The following OSMR variants were observed in gnomAD, a reference collection of about 807,000 sequenced individuals.
OSMR encodes oncostatin-M-specific receptor subunit beta.
OSMR carries 81 observed loss-of-function variants against 99.9 expected under a neutral mutation model. That is an observed-to-expected ratio of 0.81 (90% CI 0.68 to 0.97). The LOEUF (loss-of-function observed/expected upper bound fraction) is 0.97, where lower values mean the gene tolerates loss of function less well. Among genes scored for constraint, OSMR ranks in the 50% least tolerant of loss-of-function variants. The pLI is 0.00. For missense variants in OSMR, 1,099 were observed against 1,153.4 expected (o/e 0.95, Z 0.68); for synonymous variants, 406 against 410.4 (o/e 0.99, Z 0.13).
At chr5:38,858,966 TGTTGA>T (rs1454233100) in intron 1 of OSMR, among the ~76,000 whole-genome samples, 1 of 152,156 alleles carries the variant, frequency 6.6e-6, no homozygotes, top group African/African-American at 2.4e-5. Flanking sequence ...TTGTTGTTAT[TGTTGA>T]GTTGAGTTCC....
Position 38,917,619 on chromosome 5 carries a change from G to T in OSMR, c.1359G>T (p.Trp453Cys). 6.2e-7 allele frequency: 1 copy of T among 1,610,700 alleles called. No individual in the cohort carries two copies. Among genetic ancestry groups the T allele is most frequent in the Non-Finnish European group, 8.5e-7 (1 of 1,177,026 alleles). The change falls in exon 10 of 18, where the codon TGG becomes TGT. Residue 453 changes from tryptophan (W) to cysteine (C), a missense_variant. Physicochemically the swap from Trp to Cys is radical, Grantham distance 215. Transcript: ENST00000274276. ...EPGNHTVTLF[W>C]KPLSKLHANG... ...GAAATCATACTGTGACCTTATTCTG[G>T]AAGGTAAGATGTGCAGATTCCAAAA... is the stretch of plus-strand genomic sequence containing the variant.
At chr5:38,889,482 T>C (rs1254293468) in intron 7 of OSMR, among the ~76,000 whole-genome samples, 1 of 152,184 alleles carries the variant, frequency 6.6e-6, no homozygotes, top group African/African-American at 2.4e-5. Context: ...TTGAATTTAT[T>C]TTTTGTTTTA....
At chr5:38,890,641 A>G (rs374409092) in intron 7 of OSMR, among the ~76,000 whole-genome samples, 2 of 151,058 alleles carry the variant, frequency 1.3e-5, no homozygotes, top group South Asian at 2.1e-4. Context: ...GAAATGCCTT[A>G]AGAAAAACTT....
At chr5:38,931,489 C>T (rs1338547127) in intron 15 of OSMR, among the ~76,000 whole-genome samples, 1 of 152,202 alleles carries the variant, frequency 6.6e-6, no homozygotes, top group South Asian at 2.1e-4. Flanking sequence ...AAAGCACTTA[C>T]GTTACAATTA....
intron 1 of OSMR, among the ~76,000 whole-genome samples, chr5:38,862,185 GGGGCGGCCGGGCAGAGGCGCCC>G (rs1741450415): frequency 7.8e-6 from 1 of 128,366 alleles, no homozygotes; most frequent in African/African-American, 3.0e-5. Flanking sequence ...CTTCCCAGTA[GGGGCGGCCGGGCAGAGGCGCCC>G]CTCACCTCCC....
At position 38,925,316 on chromosome 5, in the gene OSMR, T is replaced by C. The variant is rs761070197; in HGVS notation, c.2157T>C (p.Ser719=). The change falls in exon 15 of 18, where the codon AGT becomes AGC. Residue 719 remains serine (S), a synonymous_variant. Coordinates refer to ENST00000274276, the MANE Select transcript of OSMR (RefSeq NM_003999.3). ...FYEFFITPFT[S]AGEGPSATFT... ...AGTTTTTCATCACTCCATTCACTAG[T>C]GCTGGTGAAGGCCCCAGTGCTACGT... 1.2e-6 allele frequency: 2 copies of C among 1,614,076 alleles called. No individual in the cohort carries two copies. Among genetic ancestry groups the C allele is most frequent in the South Asian group, 2.2e-5 (2 of 91,082 alleles).
Position 38,856,428 on chromosome 5 carries a change from G to T in OSMR, c.-14+10041G>T, listed in dbSNP as rs145720391. 4.2e-3 allele frequency among the ~76,000 whole-genome samples: 643 copies of T among 152,290 alleles called. 2 individuals are homozygous for T. Among genetic ancestry groups the T allele is most frequent in the Non-Finnish European group, 6.7e-3 (457 of 68,026 alleles). On this transcript the variant is annotated intron_variant, in intron 1 of 17. Transcript: ENST00000274276. ...GGTGGCCTGGGGCCTGAAACACAGG[G>T]GGTGGCCTTGTCCAGTCCCACTGCT...
chr5:38,931,899 T>C lies in OSMR; in HGVS notation c.2229T>C (p.His743=). The C allele has an allele frequency of 6.2e-7, 1 of 1,613,590 alleles. No homozygotes were observed. Among genetic ancestry groups the C allele is most frequent in the Non-Finnish European group, 8.5e-7 (1 of 1,179,532 alleles). The change falls in exon 16 of 18, where the codon CAT becomes CAC. Residue 743 remains histidine (H), a synonymous_variant. Transcript: ENST00000274276. Reference sequence around the variant, plus strand: ...CTCGTTCAGCCTCGATGCTGATTCATATCCTACTGCCCATGGTTTTCTGCG... The same window carrying C: ...CTCGTTCAGCCTCGATGCTGATTCACATCCTACTGCCCATGGTTTTCTGCG... The part of the protein sequence containing the change: ...TPDEHSSMLI[H]ILLPMVFCVL...
chr5:38,888,629 T>G (rs35461099), intron 7 of OSMR, among the ~76,000 whole-genome samples: 25,631 of 152,248 alleles, frequency 0.17, 2,746 homozygotes, highest in Admixed American at 0.24. Flanking sequence ...CATTTTGAAA[T>G]TTTTAAATTT....
At chr5:38,867,177 T>G (rs1019983518) in intron 1 of OSMR, among the ~76,000 whole-genome samples, 1 of 152,186 alleles carries the variant, frequency 6.6e-6, no homozygotes, top group African/African-American at 2.4e-5. Flanking sequence ...ATGACTTGTT[T>G]GCCAAAAATA....
At chr5:38,910,196 C>G (rs1211338959) in intron 9 of OSMR, among the ~76,000 whole-genome samples, 2 of 152,164 alleles carry the variant, frequency 1.3e-5, no homozygotes, top group African/African-American at 2.4e-5. Context: ...TATATATGCA[C>G]CTAACACAAG....
At chr5:38,893,805 C>G (rs547593015) in intron 7 of OSMR, among the ~76,000 whole-genome samples, 2 of 152,182 alleles carry the variant, frequency 1.3e-5, no homozygotes, top group East Asian at 3.9e-4. Flanking sequence ...GGTAGACACC[C>G]AGATACAAGA....
chr5:38,942,948 G>A, intron 1 of OSMR: 1 of 1,604,926 alleles, frequency 6.2e-7, no homozygotes, highest in Non-Finnish European at 8.5e-7. Flanking sequence ...GTCATCAAAT[G>A]TTTGAGGATA....
intron 1 of OSMR, among the ~76,000 whole-genome samples, chr5:38,859,445 T>A (rs187128599): frequency 8.5e-5 from 13 of 152,298 alleles, no homozygotes; most frequent in Admixed American, 3.9e-4. Context: ...TCTAATCTCA[T>A]AAATTGGTGT....
At chr5:38,881,867 C>A in intron 4 of OSMR, 103 bp downstream of exon 4, 1 of 1,014,568 alleles carries the variant, frequency 9.9e-7, no homozygotes, top group Non-Finnish European at 1.5e-6. Flanking sequence ...CCTGGGTAGA[C>A]ACTGACATTA....
Position 38,898,950 on chromosome 5 carries a change from C to CTTTTTTTTTTTTTTTTTTTTTTTTTT in OSMR, c.992-4908_992-4907insTTTTTTTTTTTTTTTTTTTTTTTTTT, listed in dbSNP as rs58159819. 1.3e-4 allele frequency among the ~76,000 whole-genome samples: 10 copies of CTTTTTTTTTTTTTTTTTTTTTTTTTT among 78,288 alleles called. 1 individual carries two copies. Among genetic ancestry groups the CTTTTTTTTTTTTTTTTTTTTTTTTTT allele is most frequent in the East Asian group, 6.7e-4 (2 of 2,972 alleles). The allele number at this position is 78,288 out of a possible 152,430, so 51.4% of individuals were successfully genotyped here. A position where few individuals can be genotyped will look rare whatever the true frequency, so the allele number is the denominator to read the frequency against. On this transcript the variant is annotated intron_variant, in intron 7 of 17. Transcript: ENST00000274276. ...TTTGTTGTTTCTATTTACATAATAT[C>CTTTTTTTTTTTTTTTTTTTTTTTTTT]TTTTTTTTTTTTTTTTTTTTTTTTG... is the stretch of plus-strand genomic sequence containing the variant.
chr5:38,919,291 G>A (rs747173863), intron 11 of OSMR: 1 of 1,492,914 alleles, frequency 6.7e-7, no homozygotes, highest in Admixed American at 2.0e-5. Flanking sequence ...TTCTGTCCAG[G>A]GGATTCTTCA....
At chr5:38,945,189 A>G (rs1211504486), downstream of OSMR, 10 of 747,392 alleles carry the variant, frequency 1.3e-5, no homozygotes, top group Non-Finnish European at 1.9e-5. Flanking sequence ...GCAATATACC[A>G]AACACTTCCA....
At chr5:38,891,113 T>C (rs1269761159) in intron 7 of OSMR, among the ~76,000 whole-genome samples, 4 of 152,154 alleles carry the variant, frequency 2.6e-5, no homozygotes, top group African/African-American at 4.8e-5. Flanking sequence ...TCAGAAGACA[T>C]TGAAAAGCAA....
Sources: allele counts gnomAD v4.1 joint callset (sites outside exome capture counted in the v4.1 genomes callset), GRCh38; gene constraint gnomAD v4.1.1; transcripts MANE v1.5; gene names NCBI Gene and HGNC (gene_info 2026-07-23, HGNC 2026-07-21).